The following PTPRG variants were observed in gnomAD, a reference collection of about 807,000 sequenced individuals.
PTPRG encodes the protein receptor-type tyrosine-protein phosphatase gamma.
In PTPRG, 102 loss-of-function variants were observed where a neutral mutation model predicts 165.3. That is an observed-to-expected ratio of 0.62 (90% CI 0.53 to 0.73). The LOEUF is 0.73. Ranked by LOEUF, PTPRG falls within the 30% of genes least tolerant of loss-of-function variation. The pLI, the probability that PTPRG is intolerant of heterozygous loss-of-function variation, is 0.00. For synonymous variants in PTPRG, 675 were observed against 669.5 expected, an observed-to-expected ratio of 1.01 and a Z score of -0.13; for missense variants, 1,866 against 1,861.4, an observed-to-expected ratio of 1.00 and a Z score of -0.05.
intron 1 of PTPRG, among the ~76,000 whole-genome samples, chr3:61,656,770 G>A (rs1351760640): frequency 6.6e-6 from 1 of 152,090 alleles, no homozygotes; most frequent in Non-Finnish European, 1.5e-5. Flanking sequence ...TTGCTTTCTG[G>A]ACTCACATCC....
At chr3:62,076,881 G>C (rs2106748784) in intron 4 of PTPRG, among the ~76,000 whole-genome samples, 1 of 152,282 alleles carries the variant, frequency 6.6e-6, no homozygotes, top group East Asian at 1.9e-4. Flanking sequence ...GCATCCAACT[G>C]TTCTCTGCAT....
chr3:62,072,481 A>T (rs897186455), intron 4 of PTPRG, among the ~76,000 whole-genome samples: 21 of 152,176 alleles, frequency 1.4e-4, no homozygotes, highest in Non-Finnish European at 2.8e-4. Context: ...ATTTGGGCTA[A>T]TGACTCTCAC....
chr3:62,182,102 C>A (rs1265133948), intron 8 of PTPRG, among the ~76,000 whole-genome samples: 2 of 152,134 alleles, frequency 1.3e-5, no homozygotes, highest in Non-Finnish European at 2.9e-5. Flanking sequence ...AATGTATTTA[C>A]TGTTCATTAA....
intron 1 of PTPRG, among the ~76,000 whole-genome samples, chr3:61,692,478 C>T (rs768229391): frequency 3.3e-5 from 5 of 152,102 alleles, no homozygotes; most frequent in African/African-American, 7.2e-5. Context: ...AATTTTCATG[C>T]GCGTCCGTGT....
At chr3:61,826,886 T>G (rs1311036349) in intron 2 of PTPRG, among the ~76,000 whole-genome samples, 1 of 149,654 alleles carries the variant, frequency 6.7e-6, no homozygotes, top group Admixed American at 6.7e-5. Flanking sequence ...TGTCCTGAAA[T>G]CATTTGGTGA....
At chr3:61,855,179 C>T (rs544210867) in intron 2 of PTPRG, among the ~76,000 whole-genome samples, 5 of 152,298 alleles carry the variant, frequency 3.3e-5, no homozygotes, top group African/African-American at 1.2e-4. Flanking sequence ...ATTGCAGCTG[C>T]TGACCTTAAG....
intron 20 of PTPRG, among the ~76,000 whole-genome samples, chr3:62,270,487 G>A (rs913156831): frequency 6.6e-6 from 1 of 152,136 alleles, no homozygotes; most frequent in Non-Finnish European, 1.5e-5. Context: ...CAACTGATGA[G>A]AATATTTCAG....
intron 13 of PTPRG, among the ~76,000 whole-genome samples, chr3:62,230,393 A>T (rs935869553): frequency 5.9e-5 from 9 of 152,240 alleles, no homozygotes; most frequent in African/African-American, 2.2e-4. Context: ...AGAACTTCCA[A>T]AAAAAGAGAA....
intron 29 of PTPRG, chr3:62,292,761 C>A: frequency 1.7e-6 from 1 of 583,602 alleles, no homozygotes; most frequent in East Asian, 2.9e-5. Context: ...AACTACACAG[C>A]ACAAGACAGC....
At position 61,783,456 on chromosome 3, in the gene PTPRG, C is replaced by T. The variant is rs145585213; in HGVS notation, c.190+34474C>T. Among the ~76,000 whole-genome samples, 1,357 of 152,292 alleles carry T rather than the reference C, an allele frequency of 8.9e-3. 6 individuals carry two copies. Among genetic ancestry groups the T allele is most frequent in the Non-Finnish European group, 0.013 (853 of 68,026 alleles). On this transcript the variant is annotated intron_variant, in intron 2 of 29. Coordinates refer to ENST00000474889, the MANE Select transcript of PTPRG (RefSeq NM_002841.4). ...GAGTAGATATAGATGCCAGTTCACA[C>T]AGTATCACCATGTGATAACTACAAT... is the stretch of plus-strand genomic sequence containing the variant.
In PTPRG at chr3:61,738,286, A is replaced by ATG. The variant is rs1559583202; in HGVS notation, c.86-10591_86-10590insGT. On this transcript the variant is annotated intron_variant, in intron 1 of 29. Transcript: ENST00000474889. ...TATATATATATATATATACATATAT[A>ATG]TATATATATATATATATATATATAT... Among the ~76,000 whole-genome samples the ATG allele has an allele frequency of 5.4e-4, 38 of 70,770 alleles. 1 individual carries two copies. Among genetic ancestry groups the ATG allele is most frequent in the African/African-American group, 2.2e-3 (37 of 16,648 alleles). The allele number at this position is 70,770 out of a possible 152,430, so 46.4% of individuals were successfully genotyped here. A position where few individuals can be genotyped will look rare whatever the true frequency, so the allele number is the denominator to read the frequency against.
chr3:61,770,805 G>A (rs1375400002), intron 2 of PTPRG: 1 of 152,130 alleles, frequency 6.6e-6, no homozygotes, highest in East Asian at 1.9e-4. Flanking sequence ...TTAATTTGGG[G>A]ACAGACAGCA....
chr3:61,716,119 C>T (rs953930953), intron 1 of PTPRG, among the ~76,000 whole-genome samples: 1 of 152,130 alleles, frequency 6.6e-6, no homozygotes, highest in Non-Finnish European at 1.5e-5. Context: ...CCGCCACGCC[C>T]CTTTCCTTTA....
intron 12 of PTPRG, among the ~76,000 whole-genome samples, chr3:62,211,640 T>C (rs548117716): frequency 1.3e-5 from 2 of 152,306 alleles, no homozygotes; most frequent in South Asian, 2.1e-4. Flanking sequence ...TTTATAAGTA[T>C]GCATATCGTC....
Position 62,106,780 on chromosome 3 carries a change from G to A in PTPRG, c.616-25822G>A, listed in dbSNP as rs539890535. ...AGCAGTCTTGTGTTTCATCTGGCCT[G>A]GCTTCCTCTGATGGAAGTCATATAC... On this transcript the variant is annotated intron_variant, in intron 5 of 29. Coordinates refer to ENST00000474889, the MANE Select transcript of PTPRG (RefSeq NM_002841.4). Among the ~76,000 whole-genome samples the A allele has an allele frequency of 9.2e-5, 14 of 152,176 alleles. No individual in the cohort carries two copies. In the South Asian group the frequency reaches 2.5e-3, roughly 27 times the overall value.
Position 61,737,906 on chromosome 3 carries a change from G to GTT in PTPRG, c.86-10966_86-10965dup, listed in dbSNP as rs754252949. Among the ~76,000 whole-genome samples the GTT allele has an allele frequency of 3.1e-3, 165 of 53,280 alleles. 2 individuals carry two copies. Among genetic ancestry groups the GTT allele is most frequent in the African/African-American group, 0.01 (119 of 11,888 alleles). 35.0% of individuals were successfully genotyped at this position (53,280 alleles called of 152,430 possible). On this transcript the variant is annotated intron_variant, in intron 1 of 29. Coordinates refer to ENST00000474889, the MANE Select transcript of PTPRG (RefSeq NM_002841.4). ...TGCTAGAGGTTGTGGATATGCTGAG[G>GTT]TTTTTTTGTTTTTTTTTTTTAAGAC...
At chr3:62,272,912 A>AGTATGAT in intron 21 of PTPRG, 34 bp from the exon 22 acceptor site, 1 of 1,541,556 alleles carries the variant, frequency 6.5e-7, no homozygotes, top group Admixed American at 2.1e-5. Flanking sequence ...ATGATAAAAC[A>AGTATGAT]AAAGTGCCAG....
At chr3:61,976,397 A>G (rs1201232098) in intron 2 of PTPRG, among the ~76,000 whole-genome samples, 1 of 152,150 alleles carries the variant, frequency 6.6e-6, no homozygotes, top group Admixed American at 6.5e-5. Context: ...AAGAGGTCTG[A>G]TGGGTGAAAT....
chr3:61,649,612 A>C (rs538709164), intron 1 of PTPRG, among the ~76,000 whole-genome samples: 11 of 152,364 alleles, frequency 7.2e-5, no homozygotes, highest in African/African-American at 2.4e-4. Flanking sequence ...TCTTAATACC[A>C]TCACATTGAC....
Sources: gnomAD v4.1 joint callset for allele counts (sites outside exome capture counted in the v4.1 genomes callset) on GRCh38, gnomAD v4.1.1 for gene constraint, MANE v1.5 for transcripts, NCBI Gene and HGNC (gene_info 2026-07-23, HGNC 2026-07-21) for gene names.